TENT2: variants seen among roughly 807,000 people sequenced by gnomAD.
The protein encoded by TENT2 is poly(A) RNA polymerase GLD2.
Under a neutral mutation model 72.2 loss-of-function variants are expected in TENT2, and 44 were observed. The ratio of observed to expected loss-of-function variants is 0.61; its 90% CI spans 0.48 to 0.78. The LOEUF (loss-of-function observed/expected upper bound fraction) is 0.78, where lower values mean the gene tolerates loss of function less well. Among genes scored for constraint, TENT2 ranks in the 30% least tolerant of loss-of-function variants. TENT2 has a pLI of 0.00. For missense variants in TENT2, 541 were observed against 569.6 expected (o/e 0.95, Z 0.51); for synonymous variants, 212 against 192.5 (o/e 1.10, Z -0.84).
intron 4 of TENT2, among the ~76,000 whole-genome samples, chr5:79,633,074 A>G (rs901033965): frequency 2.0e-5 from 3 of 152,204 alleles, no homozygotes; most frequent in African/African-American, 7.2e-5. Flanking sequence ...TGTTTTAGGC[A>G]TGACATTTTT....
At chr5:79,630,135 A>G (rs1246088209) in intron 4 of TENT2, among the ~76,000 whole-genome samples, 2 of 152,160 alleles carry the variant, frequency 1.3e-5, no homozygotes, top group Non-Finnish European at 2.9e-5. Context: ...ACTCCGTCTC[A>G]AAAATACAAA....
At chr5:79,652,730 T>G (rs1795097569) in intron 10 of TENT2, among the ~76,000 whole-genome samples, 1 of 152,066 alleles carries the variant, frequency 6.6e-6, no homozygotes, top group African/African-American at 2.4e-5. Context: ...TTTGCCCCTC[T>G]AAAAAAATTT....
chr5:79,633,969 T>C, intron 4 of TENT2, among the ~76,000 whole-genome samples: 1 of 130,810 alleles, frequency 7.6e-6, no homozygotes, highest in African/African-American at 2.9e-5. Context: ...CTGGCTAACA[T>C]GGTGAAACCC....
chr5:79,662,024 T>G (rs528234819), intron 11 of TENT2, among the ~76,000 whole-genome samples: 14 of 152,318 alleles, frequency 9.2e-5, no homozygotes, highest in African/African-American at 2.9e-4. Flanking sequence ...CTTAGAAAAG[T>G]TACATGGTTG....
At chr5:79,633,997 C>CAAAA (rs562252526) in intron 4 of TENT2, among the ~76,000 whole-genome samples, 4 of 70,478 alleles carry the variant, frequency 5.7e-5, no homozygotes, top group Non-Finnish European at 1.1e-4. Context: ...ACTAAAAATA[C>CAAAA]AAAAAAAAAA....
At position 79,623,221 on chromosome 5, in the gene TENT2, T is replaced by G. The variant is rs1335941396; in HGVS notation, c.228-31T>G. ...TATTTGTTATCAGAAAGTTGTATCT[T>G]TAATTACTAAGGTATATTGCTTGTT... On this transcript the variant is annotated intron_variant, in intron 3 of 14. Coordinates refer to ENST00000453514, the MANE Select transcript of TENT2 (RefSeq NM_001114394.3). 3 of 1,487,376 alleles carry G rather than the reference T, an allele frequency of 2.0e-6. No individual in the cohort carries two copies. The South Asian group carries it at 3.8e-5, about 19-fold the overall frequency. The allele number at this position is 1,487,376 out of a possible 1,614,324, so 92.1% of individuals were successfully genotyped here. A position where few individuals can be genotyped will look rare whatever the true frequency, so the allele number is the denominator to read the frequency against.
Position 79,668,896 on chromosome 5 carries a change from C to A in TENT2, c.1076C>A (p.Ser359Tyr). 1 of 1,606,822 alleles carries A rather than the reference C, an allele frequency of 6.2e-7. No homozygotes were observed. Among genetic ancestry groups the A allele is most frequent in the South Asian group, 1.1e-5 (1 of 89,728 alleles). The change falls in exon 12 of 15, where the codon TCT becomes TAT. Residue 359 changes from serine (S) to tyrosine (Y), a missense_variant. Transcript: ENST00000453514. ...LPSLQKIYPE[S>Y]FSPAIQLHLV... ...TCCCCTTCTTCTTTTTGACAGGAGT[C>A]TTTTAGTCCTGCTATACAGCTGCAC...
At chr5:79,683,777 G>A (rs551204242) in intron 14 of TENT2, among the ~76,000 whole-genome samples, 3 of 150,612 alleles carry the variant, frequency 2.0e-5, no homozygotes, top group East Asian at 1.9e-4. Flanking sequence ...AAAATTAGCC[G>A]GGTGTAGTGG....
At chr5:79,671,913 G>C (rs1396441997) in intron 12 of TENT2, among the ~76,000 whole-genome samples, 1 of 151,854 alleles carries the variant, frequency 6.6e-6, no homozygotes, top group Non-Finnish European at 1.5e-5. Flanking sequence ...GACCAGCCTG[G>C]GCAACATGGC....
intron 8 of TENT2, among the ~76,000 whole-genome samples, chr5:79,647,193 A>G (rs1363302966): frequency 6.6e-6 from 1 of 152,192 alleles, no homozygotes; most frequent in African/African-American, 2.4e-5. Flanking sequence ...TCATTAACTT[A>G]ACCATTCTCC....
intron 1 of TENT2, chr5:79,615,297 C>G (rs1688036840): frequency 1.3e-5 from 2 of 152,156 alleles, no homozygotes; most frequent in African/African-American, 2.4e-5. Flanking sequence ...CTCTTGATGT[C>G]ATTTTGCATC....
chr5:79,614,818 TATG>T (rs377470857), intron 1 of TENT2, among the ~76,000 whole-genome samples: 4 of 152,358 alleles, frequency 2.6e-5, no homozygotes, highest in South Asian at 2.1e-4. Flanking sequence ...TTATGTTGTT[TATG>T]ATAATTGTTT....
intron 10 of TENT2, among the ~76,000 whole-genome samples, chr5:79,651,289 T>G (rs1309772794): frequency 6.6e-6 from 1 of 152,012 alleles, no homozygotes; most frequent in Non-Finnish European, 1.5e-5. Context: ...TGGATGTTCT[T>G]TTTTCCTCTA....
intron 3 of TENT2, among the ~76,000 whole-genome samples, chr5:79,622,348 A>C (rs1681118888): frequency 6.6e-6 from 1 of 152,148 alleles, no homozygotes; most frequent in Non-Finnish European, 1.5e-5. Context: ...CTTAAAAGGA[A>C]TCGGGCCATT....
chr5:79,654,222 A>G (rs1391069906), intron 10 of TENT2, among the ~76,000 whole-genome samples: 2 of 152,172 alleles, frequency 1.3e-5, no homozygotes, highest in Admixed American at 1.3e-4. Flanking sequence ...ACTTGAGGTC[A>G]GGAATTCGAG....
At position 79,670,394 on chromosome 5, in the gene TENT2, G is replaced by A. The variant is rs988183119; in HGVS notation, c.1208+1366G>A. On this transcript the variant is annotated intron_variant, in intron 12 of 14. Coordinates refer to ENST00000453514, the MANE Select transcript of TENT2 (RefSeq NM_001114394.3). ...GGCTGGAGTGCAGTGGCGTGATCTC[G>A]GCTCACTGCAACCTCTGCCTCCCTG... Among the ~76,000 whole-genome samples, 12 of 151,422 alleles carry A rather than the reference G, an allele frequency of 7.9e-5. No homozygotes were observed. The East Asian group carries it at 2.4e-3, about 30-fold the overall frequency.
intron 4 of TENT2, among the ~76,000 whole-genome samples, chr5:79,637,798 C>CTTTTTTT (rs60911107): frequency 1.6e-5 from 2 of 122,406 alleles, no homozygotes; most frequent in Non-Finnish European, 1.7e-5. Flanking sequence ...TCCTCTTTTG[C>CTTTTTTT]TTTTTTTTTT....
intron 4 of TENT2, 69 bp downstream of exon 4, chr5:79,623,558 A>G: frequency 9.0e-7 from 1 of 1,107,818 alleles, no homozygotes; most frequent in South Asian, 1.7e-5. Flanking sequence ...AATCAAAAAT[A>G]TTTAATATCC....
intron 1 of TENT2, among the ~76,000 whole-genome samples, chr5:79,616,049 A>C (rs1726043482): frequency 6.7e-6 from 1 of 149,554 alleles, no homozygotes; most frequent in Non-Finnish European, 1.5e-5. Flanking sequence ...CCACCACGCT[A>C]GCTAATTTTG....
Sources: gnomAD v4.1 joint callset for allele counts (sites outside exome capture counted in the v4.1 genomes callset) on GRCh38, gnomAD v4.1.1 for gene constraint, MANE v1.5 for transcripts, NCBI Gene and HGNC (gene_info 2026-07-23, HGNC 2026-07-21) for gene names.